JCAD: variants seen among roughly 807,000 people sequenced by gnomAD.
JCAD encodes the protein junctional cadherin 5-associated protein.
A neutral mutation model predicts 98.0 loss-of-function variants in JCAD; 40 were observed. That is an observed-to-expected ratio of 0.41 (90% CI 0.32 to 0.53). The LOEUF (loss-of-function observed/expected upper bound fraction) is 0.53, where lower values mean the gene tolerates loss of function less well. JCAD is among the 20% of genes least tolerant of loss of function. The pLI is 0.31. For missense variants in JCAD, 1,705 were observed against 1,738.1 expected, an observed-to-expected ratio of 0.98 and a Z score of 0.34; for synonymous variants, 691 against 682.3, an observed-to-expected ratio of 1.01 and a Z score of -0.20.
intron 1 of JCAD, among the ~76,000 whole-genome samples, chr10:30,070,587 T>C (rs929585926): frequency 6.6e-6 from 1 of 152,216 alleles, no homozygotes; most frequent in Non-Finnish European, 1.5e-5. Context: ...CTGGAATGTG[T>C]ATTAGAACTT....
At chr10:30,068,390 CAAAAAAAAAAAA>C (rs34060997) in intron 2 of JCAD, among the ~76,000 whole-genome samples, 1 of 48,210 alleles carries the variant, frequency 2.1e-5, no homozygotes, top group African/African-American at 8.2e-5. Flanking sequence ...AACTCTGTCT[CAAAAAAAAAAAA>C]AAAAAAAAAA....
At chr10:30,114,642 T>C (rs531294537) in intron 1 of JCAD, among the ~76,000 whole-genome samples, 8 of 151,326 alleles carry the variant, frequency 5.3e-5, no homozygotes, top group African/African-American at 1.7e-4. Context: ...AATGACTCAT[T>C]CTGTAAATGA....
intron 1 of JCAD, among the ~76,000 whole-genome samples, chr10:30,092,098 T>TTAAATA (rs11268260): frequency 0.17 from 7,383 of 44,334 alleles, 973 homozygotes; most frequent in Middle Eastern, 0.22. Context: ...TAAAGTTACT[T>TTAAATA]TATATATATA....
chr10:30,045,275 GC>G (rs1388158675), intron 2 of JCAD, among the ~76,000 whole-genome samples: 2 of 151,932 alleles, frequency 1.3e-5, no homozygotes, highest in East Asian at 3.9e-4. Context: ...CTCTGATCCA[GC>G]CCCTCAAATT....
At chr10:30,050,314 CAAAAAAAAAAAA>C (rs61421356) in intron 1 of JCAD, among the ~76,000 whole-genome samples, 5,480 of 41,856 alleles carry the variant, frequency 0.13, 156 homozygotes, top group South Asian at 0.26. Flanking sequence ...GACCCTGTCT[CAAAAAAAAAAAA>C]AAAAAAAAAA....
At chr10:30,113,226 G>A (rs1391165615) in intron 1 of JCAD, among the ~76,000 whole-genome samples, 1 of 152,050 alleles carries the variant, frequency 6.6e-6, no homozygotes, top group Non-Finnish European at 1.5e-5. Context: ...ACCTGATGCG[G>A]GAGGATATGA....
intron 1 of JCAD, among the ~76,000 whole-genome samples, chr10:30,070,125 GAAGGCCACCCATAAACATGAAATAT>G (rs912426671): frequency 1.3e-5 from 2 of 152,158 alleles, no homozygotes; most frequent in Non-Finnish European, 2.9e-5. Context: ...TGGTTTGGAG[GAAGGCCACCCATAAACATGAAATAT>G]AAGTCCGAGA....
At chr10:30,042,132 T>C (rs1380954465) in intron 2 of JCAD, among the ~76,000 whole-genome samples, 1 of 152,174 alleles carries the variant, frequency 6.6e-6, no homozygotes, top group Non-Finnish European at 1.5e-5. Flanking sequence ...CGGGCTAGCA[T>C]CTAGATGAGC....
intron 1 of JCAD, among the ~76,000 whole-genome samples, chr10:30,048,878 A>C (rs927376163): frequency 3.9e-5 from 6 of 152,066 alleles, no homozygotes; most frequent in African/African-American, 1.2e-4. Flanking sequence ...TCCTTATGAA[A>C]CTTTTATGAA....
At position 30,014,269 on chromosome 10, in the gene JCAD, C is replaced by G. The variant is rs1836488155; in HGVS notation, c.*3614G>C. On this transcript the variant is annotated 3_prime_UTR_variant, in exon 4 of 4. Transcript: ENST00000375377. ...AATGCAAAAATCCCCCAGCCTGCAA[C>G]AGCTTCGGCTTAAGAAACACACTCC... The G allele has an allele frequency of 6.6e-6, 1 of 152,194 alleles. No individual in the cohort carries two copies. The highest frequency in any genetic ancestry group is 1.5e-5 in the Non-Finnish European group (1 of 68,050). 9.4% of individuals were successfully genotyped at this position (152,194 alleles called of 1,614,324 possible). A position where few individuals can be genotyped will look rare whatever the true frequency, so the allele number is the denominator to read the frequency against.
chr10:30,076,309 G>C (rs1343459348), intron 1 of JCAD, among the ~76,000 whole-genome samples: 3 of 152,090 alleles, frequency 2.0e-5, no homozygotes, highest in Non-Finnish European at 4.4e-5. Context: ...TTACAGGTGT[G>C]AGCCACCGTG....
rs568770991 is a variant in JCAD at position 30,091,347 on chromosome 10, G to A, written n.129-21526C>T. ...GGCGTCAGATTTTTCTTGGAGGGGCGTAGGAGGTAGGAAGGTGGGAAGATG... is the reference window on the plus strand; with the variant it reads ...GGCGTCAGATTTTTCTTGGAGGGGCATAGGAGGTAGGAAGGTGGGAAGATG... On this transcript the variant is annotated intron_variant and non_coding_transcript_variant, in intron 1 of 2. Coordinates refer to the JCAD transcript ENST00000465712. Among the ~76,000 whole-genome samples the A allele has an allele frequency of 3.9e-5, 6 of 152,296 alleles. No individual in the cohort carries two copies. The East Asian group carries it at 7.7e-4, about 20-fold the overall frequency.
intron 1 of JCAD, among the ~76,000 whole-genome samples, chr10:30,073,670 C>CTTCT: frequency 9.1e-6 from 1 of 109,564 alleles, no homozygotes; most frequent in South Asian, 2.9e-4. Flanking sequence ...TCCTTCCTTC[C>CTTCT]TTCCTTCCTT....
rs765512935 is a variant in JCAD at position 30,029,852 on chromosome 10, G to C, written c.296C>G (p.Pro99Arg). The change falls in exon 3 of 4, where the codon CCC (proline) becomes CGC (arginine). Residue 99 changes from proline to arginine, a missense_variant. Transcript: ENST00000375377. ...GGGATGAGAGGACCATGCTGAGGGG[G>C]GTTGATTACAAAACCTACAAAACAA... ...RTSEAGFCNQ[P>R]PSAWSSHPPT... 6.2e-7 allele frequency: 1 copy of C among 1,613,514 alleles called. No homozygotes were observed. The highest frequency in any genetic ancestry group is 1.7e-5 in the Admixed American group (1 of 59,884).
intron 2 of JCAD, among the ~76,000 whole-genome samples, chr10:30,033,605 G>A (rs7084220): frequency 0.061 from 9,287 of 152,204 alleles, 912 homozygotes; most frequent in African/African-American, 0.21. Context: ...TAGTGAGGTC[G>A]ATTTCTTTTT....
chr10:30,099,944 T>C lies in JCAD; in HGVS notation n.128+15423A>G, dbSNP rs573800073. ...CTGCTCTGCCCTGACTCATTCTCCA[T>C]CCTGCATAACCATTTCTCCCACCAA... On this transcript the variant is annotated intron_variant and non_coding_transcript_variant, in intron 1 of 2. Coordinates refer to the JCAD transcript ENST00000465712. Among the ~76,000 whole-genome samples, 44 of 152,286 alleles carry C rather than the reference T, an allele frequency of 2.9e-4. 2 individuals are homozygous for C. In the South Asian group the frequency reaches 8.9e-3, roughly 31 times the overall value.
chr10:30,039,227 G>C (rs1254151288), intron 2 of JCAD, among the ~76,000 whole-genome samples: 1 of 152,188 alleles, frequency 6.6e-6, no homozygotes, highest in Non-Finnish European at 1.5e-5. Flanking sequence ...ATCATCCTGG[G>C]AGCATCCCAG....
chr10:30,033,042 C>T (rs540541711), intron 2 of JCAD, among the ~76,000 whole-genome samples: 10 of 152,266 alleles, frequency 6.6e-5, no homozygotes, highest in Admixed American at 1.3e-4. Flanking sequence ...TGAATTATTT[C>T]ATTTCAACGT....
At chr10:30,113,302 G>A (rs952020310) in intron 1 of JCAD, among the ~76,000 whole-genome samples, 1 of 151,938 alleles carries the variant, frequency 6.6e-6, no homozygotes, top group African/African-American at 2.4e-5. Flanking sequence ...TGTAATCCCA[G>A]CACTCTGGGA....
Sources: gnomAD v4.1 joint callset for allele counts (sites outside exome capture counted in the v4.1 genomes callset) on GRCh38, gnomAD v4.1.1 for gene constraint, MANE v1.5 for transcripts, NCBI Gene and HGNC (gene_info 2026-07-23, HGNC 2026-07-21) for gene names.